The following ADCY4 variants were observed in gnomAD, a reference collection of about 807,000 sequenced individuals.
The protein encoded by ADCY4 is adenylate cyclase type 4.
Under a neutral mutation model 125.5 loss-of-function variants are expected in ADCY4, and 111 were observed. That is an observed-to-expected ratio of 0.88 (90% CI 0.76 to 1.04). The LOEUF (loss-of-function observed/expected upper bound fraction) is 1.04, where lower values mean the gene tolerates loss of function less well. Ranked by LOEUF, ADCY4 falls within the 50% of genes least tolerant of loss-of-function variation. The pLI, the probability that ADCY4 is intolerant of heterozygous loss-of-function variation, is 0.00. For synonymous variants in ADCY4, 576 were observed against 586.9 expected, an observed-to-expected ratio of 0.98 and a Z score of 0.27; for missense variants, 1,256 against 1,382.9, an observed-to-expected ratio of 0.91 and a Z score of 1.46.
In ADCY4 at chr14:24,332,378, C is replaced by T; in HGVS notation, c.519+144G>A. 3.2e-6 allele frequency: 3 copies of T among 926,710 alleles called. No individual in the cohort carries two copies. In the South Asian group the frequency reaches 5.2e-5, roughly 16 times the overall value. The allele number at this position is 926,710 out of a possible 1,614,324, so 57.4% of individuals were successfully genotyped here. On this transcript the variant is annotated intron_variant, in intron 3 of 24. Transcript: ENST00000418030. ...GCAGGCATTGCATCACACTGTTGTA[C>T]CAGCTCTGCGAAAGCACGGTTGGGT...
chr14:24,324,412 G>A, intron 14 of ADCY4, 21 bp from the exon 15 acceptor site: 1 of 1,601,342 alleles, frequency 6.2e-7, no homozygotes, highest in East Asian at 2.2e-5. Context: ...ACAAAAGCGA[G>A]GCCTTGAAGT....
chr14:24,329,518 T>C lies in ADCY4; in HGVS notation c.1233A>G (p.Thr411=), dbSNP rs2139218111. ...CTGCCAGCAGGGCCAGGGTAGCCCC[T>C]GTGATGTGCACTCGCCTGGAAGGAG... The part of the protein sequence containing the change: ...AGGVPGRVHI[T]GATLALLAGA... Residue 411 remains threonine (T), a synonymous_variant, in exon 9 of 25, where the codon ACA becomes ACG. Transcript: ENST00000418030. 1.3e-6 allele frequency: 2 copies of C among 1,538,976 alleles called. No individual in the cohort carries two copies. The highest frequency in any genetic ancestry group is 1.7e-6 in the Non-Finnish European group (2 of 1,146,162).
chr14:24,328,666 G>A (rs914455839), intron 10 of ADCY4: 3 of 196,638 alleles, frequency 1.5e-5, no homozygotes, highest in Non-Finnish European at 3.1e-5. Flanking sequence ...CCCGACATTC[G>A]GGGCCACTAC....
Position 24,318,689 on chromosome 14 carries a change from G to A in ADCY4, c.3046C>T (p.Arg1016Cys), listed in dbSNP as rs1385775149. Residue 1016 changes from arginine to cysteine, a missense_variant, in exon 24 of 25, where the codon CGC (arginine) becomes TGC (cysteine). Arg to Cys is a radical substitution (Grantham distance 180). Coordinates refer to ENST00000418030, the MANE Select transcript of ADCY4 (RefSeq NM_001198568.2). ...IWGNTVNVAS[R>C]MESTGVLGKI... ...CCAAGGACTCCTGTACTCTCCATGCGGCTGGCCACGTTCACTGTGTTGCCC... is the reference window on the plus strand; with the variant it reads ...CCAAGGACTCCTGTACTCTCCATGCAGCTGGCCACGTTCACTGTGTTGCCC... 4 of 1,614,008 alleles carry A rather than the reference G, an allele frequency of 2.5e-6. No homozygotes were observed. The highest frequency in any genetic ancestry group is 1.3e-5 in the African/African-American group (1 of 74,882).
At chr14:24,318,871 G>T in intron 23 of ADCY4, 93 bp from the exon 24 acceptor site, 3 of 1,561,946 alleles carry the variant, frequency 1.9e-6, no homozygotes, top group Non-Finnish European at 2.6e-6. Flanking sequence ...AGCCTGGGGG[G>T]CCCTAGAGGA....
chr14:24,325,236 C>A lies in ADCY4; in HGVS notation c.1823+141G>T, dbSNP rs2041923844. 4 of 629,808 alleles carry A rather than the reference C, an allele frequency of 6.4e-6. No homozygotes were observed. The South Asian group carries it at 7.2e-5, about 11-fold the overall frequency. The allele number at this position is 629,808 out of a possible 1,614,324, so 39.0% of individuals were successfully genotyped here. ...AGATAAGGGCCGTGATTATCATTTT[C>A]CCCAGAACACATGTTTCCTCTGTGG... On this transcript the variant is annotated intron_variant, in intron 14 of 24. Coordinates refer to ENST00000418030, the MANE Select transcript of ADCY4 (RefSeq NM_001198568.2).
chr14:24,322,534 G>A (rs2041868537), intron 19 of ADCY4, 90 bp downstream of exon 19: 7 of 1,368,690 alleles, frequency 5.1e-6, no homozygotes, highest in Non-Finnish European at 7.1e-6. Flanking sequence ...CTTCCAATGG[G>A]CATTCAACCC....
At chr14:24,323,767 A>G in intron 16 of ADCY4, 1 of 577,384 alleles carries the variant, frequency 1.7e-6, no homozygotes, top group Non-Finnish European at 2.2e-6. Flanking sequence ...CCCACCAGGA[A>G]TAGAATTCTA....
At chr14:24,322,810 G>A in intron 18 of ADCY4, 94 bp downstream of exon 18, 1 of 1,544,880 alleles carries the variant, frequency 6.5e-7, no homozygotes, top group Non-Finnish European at 8.8e-7. Flanking sequence ...TGCCCTGTGG[G>A]TGATTCAGGT....
chr14:24,319,048 T>G lies in ADCY4; in HGVS notation c.2956+50A>C, dbSNP rs201317526. 13 of 1,599,404 alleles carry G rather than the reference T, an allele frequency of 8.1e-6. No individual in the cohort carries two copies. The East Asian group carries it at 2.7e-4, about 33-fold the overall frequency. On this transcript the variant is annotated intron_variant, in intron 23 of 24. Transcript: ENST00000418030. This position sits in a 1 kb window ranked among gnomAD's most constrained non-coding sequence, Gnocchi z 4.5. ...ACAAAGGACTTGGAGTGGGGCAAGC[T>G]CAGGAAGGTGAGGAGGTACCAGACT...
intron 20 of ADCY4, chr14:24,321,713 C>A (rs1594650068): frequency 2.4e-6 from 2 of 822,802 alleles, no homozygotes; most frequent in South Asian, 1.1e-4. Flanking sequence ...GCTCACCGCT[C>A]ACCTCCTGCT....
intron 6 of ADCY4, 165 bp from the exon 7 acceptor site, chr14:24,330,460 C>T: frequency 1.1e-6 from 1 of 902,342 alleles, no homozygotes; most frequent in Non-Finnish European, 1.7e-6. Context: ...ATGGGGCTAA[C>T]TGTCTTTCAT....
In ADCY4 at chr14:24,319,154, C is replaced by T; in HGVS notation, c.2900G>A (p.Gly967Glu). 2 of 1,614,054 alleles carry T rather than the reference C, an allele frequency of 1.2e-6. No individual in the cohort carries two copies. The highest frequency in any genetic ancestry group is 8.5e-7 in the Non-Finnish European group (1 of 1,180,018). Reference sequence around the variant, plus strand: ...CTTGTTGATGACGTCCAGCTTAGACCCCAGGGCCACGGCAAATTCCACCAT... The same window carrying T: ...CTTGTTGATGACGTCCAGCTTAGACTCCAGGGCCACGGCAAATTCCACCAT... ...GTMVEFAVAL[G>E]SKLDVINKHS... The change falls in exon 23 of 25, where the codon GGG (glycine) becomes GAG (glutamate). Residue 967 changes from glycine to glutamate, a missense_variant. Transcript: ENST00000418030. This position sits in a 1 kb window ranked among gnomAD's most constrained non-coding sequence, Gnocchi z 4.5.
At position 24,323,050 on chromosome 14, in the gene ADCY4, G is replaced by A; in HGVS notation, c.2196C>T (p.Cys732=). Residue 732 remains cysteine, a synonymous_variant, in exon 18 of 25, where the codon TGC becomes TGT. Transcript: ENST00000418030. ...MHCCTLGFLS[C]SLFLHMSFEL... ...CGAAGCTCATGTGCAGAAAGAGGGA[G>A]CAGGAGAGGAAGCCCAGCGTGCAGC... 6.2e-7 allele frequency: 1 copy of A among 1,614,200 alleles called. No homozygotes were observed. The highest frequency in any genetic ancestry group is 8.5e-7 in the Non-Finnish European group (1 of 1,180,024).
chr14:24,319,643 G>GGATT lies in ADCY4; in HGVS notation c.2733+95_2733+98dup. On this transcript the variant is annotated intron_variant, in intron 21 of 24. Coordinates refer to ENST00000418030, the MANE Select transcript of ADCY4 (RefSeq NM_001198568.2). The surrounding 1 kb of genome is among the most constrained non-coding windows in gnomAD (Gnocchi z 4.5). ...AGGTGAGGGAGTACTGTGGAGGGGA[G>GGATT]GATTGACTTCATGGCCAGAAAAGCA... 1 of 1,486,004 alleles carries GGATT rather than the reference G, an allele frequency of 6.7e-7. No homozygotes were observed. The highest frequency in any genetic ancestry group is 1.2e-5 in the South Asian group (1 of 86,526). 92.1% of individuals were successfully genotyped at this position (1,486,004 alleles called of 1,614,324 possible).
At chr14:24,323,194 A>T in intron 17 of ADCY4, 106 bp from the exon 18 acceptor site, 1 of 1,424,824 alleles carries the variant, frequency 7.0e-7, no homozygotes, top group African/African-American at 1.4e-5. Context: ...TATCTGGGAG[A>T]CAGGGGGCAT....
At position 24,332,055 on chromosome 14, in the gene ADCY4, T is replaced by C. The variant is rs1033750113; in HGVS notation, c.520-118A>G. On this transcript the variant is annotated intron_variant, in intron 3 of 24. Coordinates refer to ENST00000418030, the MANE Select transcript of ADCY4 (RefSeq NM_001198568.2). The stretch of plus-strand genomic sequence containing the variant: ...GGCTTTACAGTGAGGGACCTAACTA[T>C]TGTGGGACAAGTGGTGCCACACTGT... 1.6e-5 allele frequency: 20 copies of C among 1,281,512 alleles called. No individual in the cohort carries two copies. In the African/African-American group the frequency reaches 2.6e-4, roughly 17 times the overall value. 79.4% of individuals were successfully genotyped at this position (1,281,512 alleles called of 1,614,324 possible).
At position 24,332,685 on chromosome 14, in the gene ADCY4, T is replaced by C; in HGVS notation, c.358-2A>G. 1 of 1,584,580 alleles carries C rather than the reference T, an allele frequency of 6.3e-7. No homozygotes were observed. The highest frequency in any genetic ancestry group is 8.6e-7 in the Non-Finnish European group (1 of 1,165,272). ...GATGACGAAGAGAAAATAGGACACC[T>C]GGGGGCGGGGCGCGGGAAGCCGAAG... is the stretch of plus-strand genomic sequence containing the variant. On this transcript the variant is annotated splice_acceptor_variant, in intron 2 of 24. Coordinates refer to ENST00000418030, the MANE Select transcript of ADCY4 (RefSeq NM_001198568.2). LOFTEE classifies it high-confidence loss of function.
In ADCY4 at chr14:24,329,071, G is replaced by T. The variant is rs1339255886; in HGVS notation, c.1514C>A (p.Thr505Asn). The T allele has an allele frequency of 6.2e-7, 1 of 1,613,586 alleles. No homozygotes were observed. Among genetic ancestry groups the T allele is most frequent in the Non-Finnish European group, 8.5e-7 (1 of 1,179,716 alleles). Residue 505 changes from threonine (T) to asparagine (N), a missense_variant, in exon 10 of 25, where the codon ACC becomes AAC. Coordinates refer to ENST00000418030, the MANE Select transcript of ADCY4 (RefSeq NM_001198568.2). The part of the protein sequence containing the change: ...SHGDSPVSTS[T>N]PLPEKTLASF... ...TGAAGGTGCACATACCGGGAGAGGGGTGGAGGTGGACACAGGGCTGTCTCC... is the reference window on the plus strand; with the variant it reads ...TGAAGGTGCACATACCGGGAGAGGGTTGGAGGTGGACACAGGGCTGTCTCC...
Sources: gnomAD v4.1 joint callset for allele counts on GRCh38, gnomAD v4.1.1 for gene constraint, Gnocchi (gnomAD v3.1) non-coding constraint, MANE v1.5 for transcripts, NCBI Gene and HGNC (gene_info 2026-07-23, HGNC 2026-07-21) for gene names.